The following RAB3IP variants were observed in gnomAD, a reference collection of about 807,000 sequenced individuals.
RAB3IP encodes RAB3A interacting protein, also known as rab-3A-interacting protein.
A neutral mutation model predicts 59.1 loss-of-function variants in RAB3IP; 36 were observed. The ratio of observed to expected loss-of-function variants is 0.61; its 90% CI spans 0.47 to 0.80. The LOEUF (loss-of-function observed/expected upper bound fraction) is 0.80, where lower values mean the gene tolerates loss of function less well. Among genes scored for constraint, RAB3IP ranks in the 30% least tolerant of loss-of-function variants. The pLI is 0.00. For synonymous variants in RAB3IP, 207 were observed against 191.2 expected (o/e 1.08, Z -0.68); for missense variants, 511 against 536.0 (o/e 0.95, Z 0.46).
At chr12:69,764,736 A>G (rs960709906) in intron 3 of RAB3IP, among the ~76,000 whole-genome samples, 3 of 152,146 alleles carry the variant, frequency 2.0e-5, no homozygotes, top group Admixed American at 6.5e-5. Flanking sequence ...TGCTTTGGGC[A>G]GTATGGCCAT....
At chr12:69,789,911 T>C (rs1369781714) in intron 4 of RAB3IP, among the ~76,000 whole-genome samples, 1 of 152,044 alleles carries the variant, frequency 6.6e-6, no homozygotes, top group African/African-American at 2.4e-5. Flanking sequence ...CTCAACAAAA[T>C]AGATATAGGA....
At position 69,785,761 on chromosome 12, in the gene RAB3IP, G is replaced by A. The variant is rs564429536; in HGVS notation, c.606+946G>A. ...GGATAATGTTTGACTACATATTCGA[G>A]CACCCTTTGATTCAGTCAAGTTGAC... On this transcript the variant is annotated intron_variant, in intron 4 of 10. Coordinates refer to ENST00000247833, the MANE Select transcript of RAB3IP (RefSeq NM_022456.5). Among the ~76,000 whole-genome samples the A allele has an allele frequency of 2.6e-5, 4 of 152,220 alleles. No homozygotes were observed. The East Asian group carries it at 7.7e-4, about 29-fold the overall frequency.
intron 4 of RAB3IP, among the ~76,000 whole-genome samples, chr12:69,788,425 T>C (rs781185821): frequency 3.1e-4 from 47 of 152,036 alleles, no homozygotes; most frequent in Admixed American, 9.2e-4. Context: ...TATCTAAACA[T>C]AGAAAAAGTA....
intron 3 of RAB3IP, among the ~76,000 whole-genome samples, chr12:69,762,791 AAAAGAG>A (rs1157340146): frequency 6.6e-6 from 1 of 151,390 alleles, no homozygotes; most frequent in Non-Finnish European, 1.5e-5. Flanking sequence ...AAAAAAGAGA[AAAAGAG>A]AAAAAGAAAA....
chr12:69,790,097 A>T (rs1876362687), intron 4 of RAB3IP, among the ~76,000 whole-genome samples: 1 of 152,210 alleles, frequency 6.6e-6, no homozygotes, highest in South Asian at 2.1e-4. Context: ...AGAAAAAGAA[A>T]AGGCAACCAA....
chr12:69,790,671 G>A (rs1250141719), intron 4 of RAB3IP, among the ~76,000 whole-genome samples: 1 of 151,758 alleles, frequency 6.6e-6, no homozygotes. Context: ...TATAACCTCC[G>A]CCTCCTGGGT....
rs555335357 is a variant in RAB3IP at position 69,808,499 on chromosome 12, G to C, written c.1131-4279G>C. 2.9e-3 allele frequency among the ~76,000 whole-genome samples: 438 copies of C among 152,280 alleles called. 4 individuals are homozygous for C. The highest frequency in any genetic ancestry group is 9.6e-3 in the African/African-American group (399 of 41,548). On this transcript the variant is annotated intron_variant, in intron 8 of 10. Coordinates refer to ENST00000247833, the MANE Select transcript of RAB3IP (RefSeq NM_022456.5). ...TTGACACAGTGGGGTTGTTGACAGT[G>C]GGGTGTTAAAGTCTCCCATTATTAT...
intron 3 of RAB3IP, among the ~76,000 whole-genome samples, chr12:69,765,127 T>C (rs148882922): frequency 1.7e-3 from 263 of 152,304 alleles, no homozygotes; most frequent in African/African-American, 5.9e-3. Flanking sequence ...TGGTTGCCTT[T>C]TACTTTTTTC....
intron 4 of RAB3IP, among the ~76,000 whole-genome samples, chr12:69,791,947 G>A (rs1310445293): frequency 6.6e-6 from 1 of 152,134 alleles, no homozygotes; most frequent in Admixed American, 6.6e-5. Flanking sequence ...GAAAATGTGG[G>A]GGGTATGTGT....
At chr12:69,760,394 GGGGAGAGGGAGAGGGAGACTGTGGGGAGA>G (rs935517494) in intron 3 of RAB3IP, among the ~76,000 whole-genome samples, 3 of 142,144 alleles carry the variant, frequency 2.1e-5, no homozygotes, top group East Asian at 1.9e-4. Flanking sequence ...GGGAGACCGT[GGGGAGAGGGAGAGGGAGACTGTGGGGAGA>G]GGGAGAGGGA....
intron 4 of RAB3IP, among the ~76,000 whole-genome samples, chr12:69,786,844 G>A (rs1875748508): frequency 6.6e-6 from 1 of 152,246 alleles, no homozygotes; most frequent in Middle Eastern, 3.4e-3. Context: ...ATAGTTTGGA[G>A]TCTCTAACCT....
chr12:69,809,692 C>T (rs1338120970), intron 8 of RAB3IP, among the ~76,000 whole-genome samples: 5 of 152,176 alleles, frequency 3.3e-5, no homozygotes, highest in East Asian at 1.9e-4. Context: ...TTGATTGCAT[C>T]GGTTACTGAG....
chr12:69,787,756 C>T (rs193101062), intron 4 of RAB3IP, among the ~76,000 whole-genome samples: 1 of 151,802 alleles, frequency 6.6e-6, no homozygotes, highest in East Asian at 1.9e-4. Context: ...TGTACCTGAT[C>T]AGTACGAGAA....
intron 1 of RAB3IP, among the ~76,000 whole-genome samples, chr12:69,747,403 A>C (rs921807563): frequency 6.6e-6 from 1 of 151,876 alleles, no homozygotes; most frequent in Admixed American, 6.6e-5. Flanking sequence ...ACAGTTCGCT[A>C]TAGCCTCAAC....
chr12:69,802,175 A>G (rs1348157934), intron 8 of RAB3IP, among the ~76,000 whole-genome samples: 2 of 151,752 alleles, frequency 1.3e-5, no homozygotes, highest in South Asian at 2.1e-4. Context: ...ATGTGTAGCC[A>G]TGTGTCCTGG....
rs1311218621 is a variant in RAB3IP, at chr12:69,818,622, G to A, written c.*3176G>A. Reference sequence around the variant, plus strand: ...TCACAGAATGGGTGATTATTACATGGCAGCAAAATGAATGAATACCAGCTA... The same window carrying A: ...TCACAGAATGGGTGATTATTACATGACAGCAAAATGAATGAATACCAGCTA... On this transcript the variant is annotated 3_prime_UTR_variant, in exon 11 of 11. Coordinates refer to ENST00000247833, the MANE Select transcript of RAB3IP (RefSeq NM_022456.5). The A allele has an allele frequency of 6.6e-6, 1 of 152,106 alleles. No homozygotes were observed. The highest frequency in any genetic ancestry group is 1.5e-5 in the Non-Finnish European group (1 of 68,020). The allele number at this position is 152,106 out of a possible 1,614,324, so 9.4% of individuals were successfully genotyped here. A position where few individuals can be genotyped will look rare whatever the true frequency, so the allele number is the denominator to read the frequency against.
chr12:69,788,132 T>G (rs1876000386), intron 4 of RAB3IP, among the ~76,000 whole-genome samples: 1 of 152,136 alleles, frequency 6.6e-6, no homozygotes, highest in Admixed American at 6.5e-5. Context: ...AGTTCCATTT[T>G]CAAAAATAGA....
chr12:69,793,391 T>A (rs1370261905), intron 4 of RAB3IP, among the ~76,000 whole-genome samples: 1 of 152,232 alleles, frequency 6.6e-6, no homozygotes, highest in African/African-American at 2.4e-5. Context: ...CTTTCCATTC[T>A]ACCACTGTGC....
rs1881557449 is a variant in RAB3IP, at chr12:69,820,265, A to G, written c.*4819A>G. 6.6e-6 allele frequency: 1 copy of G among 152,116 alleles called. No homozygotes were observed. Among genetic ancestry groups the G allele is most frequent in the Non-Finnish European group, 1.5e-5 (1 of 68,040 alleles). The allele number at this position is 152,116 out of a possible 1,614,324, so 9.4% of individuals were successfully genotyped here. A position where few individuals can be genotyped will look rare whatever the true frequency, so the allele number is the denominator to read the frequency against. On this transcript the variant is annotated 3_prime_UTR_variant, in exon 11 of 11. Transcript: ENST00000247833. The stretch of plus-strand genomic sequence containing the variant: ...TAAGCAAAATTCTGGGGCTTATTCT[A>G]GGTTCCTTTATTTGTCATTGTCACT...
Sources: gnomAD v4.1 joint callset for allele counts (sites outside exome capture counted in the v4.1 genomes callset) on GRCh38, gnomAD v4.1.1 for gene constraint, MANE v1.5 for transcripts, NCBI Gene and HGNC (gene_info 2026-07-23, HGNC 2026-07-21) for gene names.